SHANK2: variants seen among roughly 807,000 people sequenced by gnomAD.
SHANK2 encodes SH3 and multiple ankyrin repeat domains protein 2.
Under a neutral mutation model 133.7 loss-of-function variants are expected in SHANK2, and 43 were observed. The ratio of observed to expected loss-of-function variants is 0.32; its 90% CI spans 0.25 to 0.41. SHANK2 has a LOEUF of 0.41. Ranked by LOEUF, SHANK2 falls within the 10% of genes least tolerant of loss-of-function variation. The pLI is 1.00. For missense variants in SHANK2, 1,994 were observed against 2,235.8 expected (o/e 0.89, Z 2.18); for synonymous variants, 1,017 against 952.8 (o/e 1.07, Z -1.24).
At position 70,885,444 on chromosome 11, in the gene SHANK2, C is replaced by T. The variant is rs1037266461; in HGVS notation, c.1174+11057G>A. ...AGTGGGACACACTTCCCAGCAGCCA[C>T]GTGTCCACTGTGTGGGAGTCAGTGC... is the stretch of plus-strand genomic sequence containing the variant. On this transcript the variant is annotated intron_variant, in intron 11 of 25. Coordinates refer to ENST00000601538, the MANE Select transcript of SHANK2 (RefSeq NM_012309.5). 4.7e-4 allele frequency among the ~76,000 whole-genome samples: 72 copies of T among 152,224 alleles called. 1 individual carries two copies. The highest frequency in any genetic ancestry group is 4.5e-3 in the Admixed American group (69 of 15,286).
At chr11:70,649,383 C>G (rs781863400) in intron 17 of SHANK2, among the ~76,000 whole-genome samples, 2 of 152,174 alleles carry the variant, frequency 1.3e-5, no homozygotes, top group Non-Finnish European at 2.9e-5. Flanking sequence ...CAGGGCTCCA[C>G]AGCATCAGCT....
At chr11:70,550,814 G>A (rs557916561) in intron 17 of SHANK2, among the ~76,000 whole-genome samples, 2 of 152,340 alleles carry the variant, frequency 1.3e-5, no homozygotes, top group South Asian at 4.1e-4. Context: ...ACAAGCTCCA[G>A]GAGGGCCCAG....
intron 17 of SHANK2, among the ~76,000 whole-genome samples, chr11:70,653,028 A>G (rs2061355580): frequency 6.6e-6 from 1 of 151,990 alleles, no homozygotes; most frequent in Non-Finnish European, 1.5e-5. Flanking sequence ...GCTGGAGTGC[A>G]GTGGAGCAAT....
At chr11:70,951,372 GGT>G (rs1463690661) in intron 10 of SHANK2, among the ~76,000 whole-genome samples, 1 of 134,656 alleles carries the variant, frequency 7.4e-6, no homozygotes, top group Non-Finnish European at 1.6e-5. Context: ...GCGGCTGGGT[GGT>G]GATGTCATAA....
chr11:70,840,022 C>A (rs1948878551), intron 11 of SHANK2, among the ~76,000 whole-genome samples: 1 of 152,214 alleles, frequency 6.6e-6, no homozygotes, highest in Non-Finnish European at 1.5e-5. Flanking sequence ...GCTCGGCCGG[C>A]CAGCAGCTAT....
intron 9 of SHANK2, among the ~76,000 whole-genome samples, chr11:71,065,212 G>A (rs921974573): frequency 4.6e-5 from 7 of 151,474 alleles, no homozygotes; most frequent in Non-Finnish European, 7.4e-5. Context: ...GAACTCTCCC[G>A]GGGAGATAAG....
chr11:70,486,580 G>T lies in SHANK2; in HGVS notation c.3713C>A (p.Ala1238Asp). The T allele has an allele frequency of 1.9e-6, 3 of 1,614,010 alleles. No individual in the cohort carries two copies. Among genetic ancestry groups the T allele is most frequent in the Non-Finnish European group, 2.5e-6 (3 of 1,180,028 alleles). ...AGGTTTGTTGAGGTCGGCCTTGGGG[G>T]CCTCCCCTTTGGGTCCCTGTTGAGA... is the stretch of plus-strand genomic sequence containing the variant. ...KESQQGPKGEAPKADLNKPLY... is the reference protein window; with the variant it reads ...KESQQGPKGEDPKADLNKPLY... The change falls in exon 25 of 26, where the codon GCC becomes GAC. Residue 1238 changes from alanine to aspartate, a missense_variant. Ala to Asp is a moderately radical substitution (Grantham distance 126). This residue lies in a region of SHANK2 where 797 missense variants were observed against 907.4 expected (regional missense o/e 0.88). Transcript: ENST00000601538. This position sits in a 1 kb window ranked among gnomAD's most constrained non-coding sequence, Gnocchi z 8.0.
Position 70,486,791 on chromosome 11 carries a change from C to T in SHANK2, c.3502G>A (p.Glu1168Lys), listed in dbSNP as rs782049908. 8.7e-6 allele frequency: 14 copies of T among 1,612,140 alleles called. No homozygotes were observed. Among genetic ancestry groups the T allele is most frequent in the South Asian group, 5.5e-5 (5 of 91,086 alleles). ...GTGGAATTCAGCGGCCTCCCAGCCT[C>T]ACCCGGAGCACTGGCCTCGGCGCCA... ...VGGAEASAPG[E>K]AGRPLNSTSK... Residue 1168 changes from glutamate (E) to lysine (K), a missense_variant, in exon 25 of 26, where the codon GAG (glutamate) becomes AAG (lysine). Transcript: ENST00000601538. This position sits in a 1 kb window ranked among gnomAD's most constrained non-coding sequence, Gnocchi z 8.0.
intron 11 of SHANK2, among the ~76,000 whole-genome samples, chr11:70,877,674 T>C (rs782735091): frequency 7.9e-5 from 12 of 152,158 alleles, no homozygotes; most frequent in Non-Finnish European, 1.5e-4. Flanking sequence ...TCAAGGATGG[T>C]TGATACCCAA....
chr11:70,736,001 T>G (rs1396388972), intron 14 of SHANK2, among the ~76,000 whole-genome samples: 2 of 151,638 alleles, frequency 1.3e-5, no homozygotes, highest in East Asian at 3.9e-4. Flanking sequence ...ACTTGCCATG[T>G]TTTCCTGATC....
At chr11:71,205,762 T>C (rs781996999) in intron 2 of SHANK2, among the ~76,000 whole-genome samples, 2 of 152,160 alleles carry the variant, frequency 1.3e-5, no homozygotes, top group Non-Finnish European at 2.9e-5. Context: ...GGCGTGTTAT[T>C]TATCCACTTG....
intron 10 of SHANK2, among the ~76,000 whole-genome samples, chr11:70,919,628 C>A (rs4980656): frequency 2.0e-5 from 3 of 152,134 alleles, no homozygotes; most frequent in African/African-American, 7.2e-5. Context: ...GTGATCCACC[C>A]GCCTTGACCT....
intron 14 of SHANK2, among the ~76,000 whole-genome samples, chr11:70,773,803 T>C (rs183257065): frequency 2.6e-5 from 4 of 152,262 alleles, no homozygotes; most frequent in Admixed American, 1.3e-4. Flanking sequence ...AAGATGCCTA[T>C]AACGATAACA....
intron 14 of SHANK2, among the ~76,000 whole-genome samples, chr11:70,699,824 C>T (rs1322904665): frequency 6.6e-6 from 1 of 152,192 alleles, no homozygotes; most frequent in African/African-American, 2.4e-5. Context: ...AGGTGTTGAG[C>T]CCAGGACTAC....
rs1380915211 is a variant in SHANK2 at position 70,903,442 on chromosome 11, A to C, written c.1108-6875T>G. On this transcript the variant is annotated intron_variant, in intron 10 of 25. Transcript: ENST00000601538. ...AAATAAAATAAAATAAAATAAAATA[A>C]AATAAAATAAAATAGCATTATCTTA... Among the ~76,000 whole-genome samples, 3 of 150,832 alleles carry C rather than the reference A, an allele frequency of 2.0e-5. No individual in the cohort carries two copies. In the South Asian group the frequency reaches 6.3e-4, roughly 32 times the overall value.
chr11:70,776,587 A>G (rs1947368727), intron 14 of SHANK2, among the ~76,000 whole-genome samples: 1 of 152,180 alleles, frequency 6.6e-6, no homozygotes, highest in South Asian at 2.1e-4. Context: ...TACAATAGGA[A>G]GGGATGCACA....
chr11:71,140,056 G>A (rs1215553258), intron 3 of SHANK2, among the ~76,000 whole-genome samples: 1 of 152,210 alleles, frequency 6.6e-6, no homozygotes, highest in Non-Finnish European at 1.5e-5. Context: ...GCTCCTCCGG[G>A]CAGGGTTCCA....
chr11:70,914,292 G>A (rs980178734), intron 10 of SHANK2, among the ~76,000 whole-genome samples: 2 of 151,380 alleles, frequency 1.3e-5, no homozygotes, highest in African/African-American at 2.4e-5. Flanking sequence ...CGACCCTCTC[G>A]GTCTTCCTCT....
intron 17 of SHANK2, among the ~76,000 whole-genome samples, chr11:70,592,966 C>T (rs1193688002): frequency 1.3e-5 from 2 of 152,206 alleles, no homozygotes; most frequent in Non-Finnish European, 2.9e-5. Context: ...TCCAGCAAAC[C>T]CTCGCCGAAA....
Sources: gnomAD v4.1 joint callset for allele counts (sites outside exome capture counted in the v4.1 genomes callset) on GRCh38, gnomAD v4.1.1 for gene constraint, gnomAD v4.1.1 regional missense constraint, Gnocchi (gnomAD v3.1) non-coding constraint, MANE v1.5 for transcripts, NCBI Gene and HGNC (gene_info 2026-07-23, HGNC 2026-07-21) for gene names.